The following GOLT1A variants were observed in gnomAD, a reference collection of about 807,000 sequenced individuals.
GOLT1A encodes the protein golgi transport 1A.
A neutral mutation model predicts 16.1 loss-of-function variants in GOLT1A; 10 were observed. The ratio of observed to expected loss-of-function variants is 0.62; its 90% CI spans 0.38 to 1.05. The LOEUF is 1.05. Ranked by LOEUF, GOLT1A falls within the 50% of genes least tolerant of loss-of-function variation. The pLI is 0.01. For synonymous variants in GOLT1A, 60 were observed against 67.9 expected, an observed-to-expected ratio of 0.88 and a Z score of 0.57; for missense variants, 137 against 165.7, an observed-to-expected ratio of 0.83 and a Z score of 0.95.
intron 1 of GOLT1A, among the ~76,000 whole-genome samples, chr1:204,210,465 T>C (rs969572121): frequency 6.6e-6 from 1 of 152,214 alleles, no homozygotes; most frequent in Non-Finnish European, 1.5e-5. Context: ...CTCTGTTGCC[T>C]AGGCTGGAGT....
intron 3 of GOLT1A, 111 bp downstream of exon 3, chr1:204,201,522 T>C (rs1235985900): frequency 4.5e-6 from 5 of 1,122,070 alleles, no homozygotes; most frequent in Non-Finnish European, 6.4e-6. Flanking sequence ...GTGTCCATGG[T>C]TCTCATCTCT....
intron 1 of GOLT1A, among the ~76,000 whole-genome samples, chr1:204,203,709 A>C (rs1191336544): frequency 1.4e-5 from 2 of 140,070 alleles, no homozygotes; most frequent in South Asian, 2.4e-4. Context: ...CCCCCCACAC[A>C]CTCTTCGGCC....
At chr1:204,211,412 T>C (rs10900559) in intron 1 of GOLT1A, among the ~76,000 whole-genome samples, 16,958 of 152,186 alleles carry the variant, frequency 0.11, 1,005 homozygotes, top group Middle Eastern at 0.19. Context: ...ATGTGAGCCC[T>C]CTTGACTCAG....
At chr1:204,201,370 G>C (rs1055224954) in intron 3 of GOLT1A, among the ~76,000 whole-genome samples, 1 of 152,198 alleles carries the variant, frequency 6.6e-6, no homozygotes, top group Non-Finnish European at 1.5e-5. Flanking sequence ...TTGAGGGCAG[G>C]CCTCGTGTCT....
chr1:204,199,880 G>A (rs777675226), intron 3 of GOLT1A, among the ~76,000 whole-genome samples: 1 of 152,194 alleles, frequency 6.6e-6, no homozygotes, highest in Non-Finnish European at 1.5e-5. Context: ...GCCAAGGCTG[G>A]CATGGGAAGG....
intron 1 of GOLT1A, among the ~76,000 whole-genome samples, chr1:204,206,785 T>A (rs1174172881): frequency 6.6e-6 from 1 of 152,268 alleles, no homozygotes; most frequent in East Asian, 1.9e-4. Flanking sequence ...CTCATACTCA[T>A]TTTGTGGAAA....
intron 4 of GOLT1A, 109 bp from the exon 5 acceptor site, chr1:204,198,605 C>T (rs1422299318): frequency 9.8e-6 from 10 of 1,018,280 alleles, no homozygotes; most frequent in East Asian, 7.3e-5. Flanking sequence ...GGCGCAGATA[C>T]GAGAGGGGCT....
intron 1 of GOLT1A, among the ~76,000 whole-genome samples, chr1:204,206,019 G>A (rs1030402599): frequency 7.9e-5 from 12 of 152,080 alleles, no homozygotes; most frequent in Admixed American, 5.9e-4. Flanking sequence ...GCAGTGAGCC[G>A]AGATTATGCC....
intron 1 of GOLT1A, among the ~76,000 whole-genome samples, chr1:204,206,239 C>T (rs72749756): frequency 0.13 from 19,632 of 152,178 alleles, 1,457 homozygotes; most frequent in African/African-American, 0.21. Context: ...CTCAACATAT[C>T]ACCCAGCTGC....
At chr1:204,200,012 A>C in intron 3 of GOLT1A, among the ~76,000 whole-genome samples, 1 of 152,024 alleles carries the variant, frequency 6.6e-6, no homozygotes, top group East Asian at 1.9e-4. Context: ...TGATAGCTGT[A>C]ATTTGTTTGC....
At chr1:204,209,949 T>G (rs1301514638) in intron 1 of GOLT1A, among the ~76,000 whole-genome samples, 1 of 152,126 alleles carries the variant, frequency 6.6e-6, no homozygotes, top group Non-Finnish European at 1.5e-5. Context: ...TCCCAGCTAC[T>G]TGGGAGGCTG....
intron 3 of GOLT1A, among the ~76,000 whole-genome samples, chr1:204,200,961 C>T (rs1658947115): frequency 6.6e-6 from 1 of 152,212 alleles, no homozygotes; most frequent in Non-Finnish European, 1.5e-5. Context: ...GCCCTCCAGT[C>T]TTCTCTTAGA....
Position 204,200,299 on chromosome 1 carries a change from G to GTATATA in GOLT1A, c.297-1047_297-1042dup, listed in dbSNP as rs141284578. Among the ~76,000 whole-genome samples, 111 of 82,666 alleles carry GTATATA rather than the reference G, an allele frequency of 1.3e-3. 5 individuals carry two copies. The highest frequency in any genetic ancestry group is 2.4e-3 in the East Asian group (6 of 2,492). The allele number at this position is 82,666 out of a possible 152,430, so 54.2% of individuals were successfully genotyped here. ...GACTGTTTGAAAATGACATATATGT[G>GTATATA]TATATATATATATATATATATGTTT... On this transcript the variant is annotated intron_variant, in intron 3 of 4. Coordinates refer to ENST00000308302, the MANE Select transcript of GOLT1A (RefSeq NM_198447.2).
chr1:204,200,299 G>GTGTATATA lies in GOLT1A; in HGVS notation c.297-1042_297-1041insTATATACA. On this transcript the variant is annotated intron_variant, in intron 3 of 4. Coordinates refer to ENST00000308302, the MANE Select transcript of GOLT1A (RefSeq NM_198447.2). Reference sequence around the variant, plus strand: ...GACTGTTTGAAAATGACATATATGTGTATATATATATATATATATATGTTT... The same window carrying GTGTATATA: ...GACTGTTTGAAAATGACATATATGTGTGTATATATATATATATATATATATATATGTTT... Among the ~76,000 whole-genome samples the GTGTATATA allele has an allele frequency of 1.6e-3, 133 of 82,674 alleles. 12 individuals carry two copies. The East Asian group carries it at 0.034, about 21-fold the overall frequency. 54.2% of individuals were successfully genotyped at this position (82,674 alleles called of 152,430 possible). A position where few individuals can be genotyped will look rare whatever the true frequency, so the allele number is the denominator to read the frequency against.
chr1:204,202,956 G>C lies in GOLT1A; in HGVS notation c.57C>G (p.Ile19Met). 1 of 1,614,122 alleles carries C rather than the reference G, an allele frequency of 6.2e-7. No homozygotes were observed. The highest frequency in any genetic ancestry group is 8.5e-7 in the Non-Finnish European group (1 of 1,180,002). The stretch of plus-strand genomic sequence containing the variant: ...GGAGTGTTCCAAAGAGGATGAAGAA[G>C]ATGCCGAAACCGGTGATCCCCACAC... ...KIGVGITGFGIFFILFGTLLY... is the reference protein window; with the variant it reads ...KIGVGITGFGMFFILFGTLLY... Residue 19 changes from isoleucine (I) to methionine (M), a missense_variant, in exon 2 of 5, where the codon ATC (isoleucine) becomes ATG (methionine). Coordinates refer to ENST00000308302, the MANE Select transcript of GOLT1A (RefSeq NM_198447.2).
At chr1:204,211,814 T>C (rs1007132553) in intron 1 of GOLT1A, among the ~76,000 whole-genome samples, 2 of 152,032 alleles carry the variant, frequency 1.3e-5, no homozygotes, top group African/African-American at 4.8e-5. Flanking sequence ...TTTTTTATTG[T>C]CACAACTTGG....
intron 3 of GOLT1A, among the ~76,000 whole-genome samples, chr1:204,199,669 C>T (rs1658920312): frequency 6.6e-6 from 1 of 152,218 alleles, no homozygotes; most frequent in Non-Finnish European, 1.5e-5. Flanking sequence ...TTCTTCTCTT[C>T]CTGAGATCCA....
rs1172998671 is a variant in GOLT1A at position 204,207,018 on chromosome 1, G to A, written c.26-4031C>T. Reference sequence around the variant, plus strand: ...GCTCAGTGGGACACGAAACCCCACAGAAAAGGGTCAGAAACTCTGTTTCTC... The same window carrying A: ...GCTCAGTGGGACACGAAACCCCACAAAAAAGGGTCAGAAACTCTGTTTCTC... On this transcript the variant is annotated intron_variant, in intron 1 of 4. Coordinates refer to ENST00000308302, the MANE Select transcript of GOLT1A (RefSeq NM_198447.2). 2.0e-5 allele frequency among the ~76,000 whole-genome samples: 3 copies of A among 152,354 alleles called. No homozygotes were observed. In the East Asian group the frequency reaches 5.8e-4, roughly 29 times the overall value.
At position 204,199,214 on chromosome 1, in the gene GOLT1A, T is replaced by G; in HGVS notation, c.341A>C (p.Asn114Thr). ...VAFGFLGNVC[N>T]IPFLGALFRR... is the part of the protein sequence containing the mutation. ...GCTTACCGCACCCAGGAAGGGGATG[T>G]TGCAGACATTGCCCAGGAAGCCGAA... The change falls in exon 4 of 5, where the codon AAC becomes ACC. Residue 114 changes from asparagine to threonine, a missense_variant. Physicochemically the swap from Asn to Thr is moderately conservative, Grantham distance 65. Coordinates refer to ENST00000308302, the MANE Select transcript of GOLT1A (RefSeq NM_198447.2). 6.2e-7 allele frequency: 1 copy of G among 1,601,842 alleles called. No individual in the cohort carries two copies. Among genetic ancestry groups the G allele is most frequent in the Non-Finnish European group, 8.5e-7 (1 of 1,175,172 alleles).
Sources: gnomAD v4.1 joint callset for allele counts (sites outside exome capture counted in the v4.1 genomes callset) on GRCh38, gnomAD v4.1.1 for gene constraint, MANE v1.5 for transcripts, NCBI Gene and HGNC (gene_info 2026-07-23, HGNC 2026-07-21) for gene names.